The following DCLRE1A variants were observed in gnomAD, a reference collection of about 807,000 sequenced individuals.
DCLRE1A encodes the protein DNA cross-link repair 1A protein.
DCLRE1A carries 64 observed loss-of-function variants against 91.9 expected under a neutral mutation model. The observed-to-expected ratio is 0.70, with a 90% CI of 0.57 to 0.86. The LOEUF (loss-of-function observed/expected upper bound fraction) is 0.86, where lower values mean the gene tolerates loss of function less well. Among genes scored for constraint, DCLRE1A ranks in the 40% least tolerant of loss-of-function variants. The probability of loss-of-function intolerance (pLI) is 0.00; values close to 1 mark genes in which losing one functional copy is unlikely to be tolerated. For missense variants in DCLRE1A, 1,145 were observed against 1,213.3 expected (o/e 0.94, Z 0.84); for synonymous variants, 416 against 431.1 (o/e 0.96, Z 0.43).
rs1467484194 is a variant in DCLRE1A at position 113,853,262 on chromosome 10, T to C, written c.-80A>G. 49 of 1,309,350 alleles carry C rather than the reference T, an allele frequency of 3.7e-5. No homozygotes were observed. The highest frequency in any genetic ancestry group is 9.5e-5 in the South Asian group (6 of 63,126). 81.1% of individuals were successfully genotyped at this position (1,309,350 alleles called of 1,614,324 possible). ...ATTTCTTGTCACAAACAAAAAGTTA[T>C]AGAATTATTTTGCTGAGAAAAAAAA... On this transcript the variant is annotated 5_prime_UTR_variant, in exon 1 of 9. Coordinates refer to ENST00000361384, the MANE Select transcript of DCLRE1A (RefSeq NM_014881.5).
Position 113,853,143 on chromosome 10 carries a change from T to C in DCLRE1A, c.40A>G (p.Lys14Glu). Residue 14 changes from lysine (K) to glutamate (E), a missense_variant, in exon 1 of 9, where the codon AAA becomes GAA. By Grantham distance (56) the Lys-to-Glu change is moderately conservative. Transcript: ENST00000361384. ...ACTCGTTTTGGTTTTCTTTTAGATT[T>C]GTATTCCCAAATGTCTTCTTCGGAA... ...DISEEDIWEY[K>E]SKRKPKRVDP... 6.3e-7 allele frequency: 1 copy of C among 1,589,212 alleles called. No individual in the cohort carries two copies. Among genetic ancestry groups the C allele is most frequent in the Non-Finnish European group, 8.5e-7 (1 of 1,173,160 alleles).
chr10:113,839,149 C>A (rs2134648367), intron 7 of DCLRE1A, among the ~76,000 whole-genome samples: 1 of 151,948 alleles, frequency 6.6e-6, no homozygotes, highest in East Asian at 1.9e-4. Flanking sequence ...CACGGTGAAA[C>A]CCCATCTCTA....
chr10:113,850,561 C>A lies in DCLRE1A; in HGVS notation c.544G>T (p.Ala182Ser). 1 of 1,614,104 alleles carries A rather than the reference C, an allele frequency of 6.2e-7. No homozygotes were observed. The highest frequency in any genetic ancestry group is 1.3e-5 in the African/African-American group (1 of 75,036). Reference sequence around the variant, plus strand: ...GGGCTGCTAAAAGGATGATCACCAGCCCTGCTTTGAGCTAGCAGGAAGTGA... The same window carrying A: ...GGGCTGCTAAAAGGATGATCACCAGACCTGCTTTGAGCTAGCAGGAAGTGA... ...YTHFLLAQSR[A>S]GDHPFSSPSP... Residue 182 changes from alanine to serine, a missense_variant, in exon 2 of 9, where the codon GCT becomes TCT. Ala to Ser is a moderately conservative substitution (Grantham distance 99). Transcript: ENST00000361384.
At position 113,842,440 on chromosome 10, in the gene DCLRE1A, C is replaced by G. The variant is rs1265913095; in HGVS notation, c.2568G>C (p.Arg856=). 6.2e-7 allele frequency: 1 copy of G among 1,613,824 alleles called. No homozygotes were observed. The highest frequency in any genetic ancestry group is 8.5e-7 in the Non-Finnish European group (1 of 1,179,820). The change falls in exon 6 of 9, where the codon CGG becomes CGC. Residue 856 remains arginine, a synonymous_variant. Coordinates refer to ENST00000361384, the MANE Select transcript of DCLRE1A (RefSeq NM_014881.5). The stretch of plus-strand genomic sequence containing the variant: ...CCTCAAAGGCAGTGTTGATGGCAAA[C>G]CGGATAACCTCTTGCTGAGATGGAA... ...YTFPSQQEVI[R]FAINTAFEAV...
chr10:113,848,043 G>C (rs545744567), intron 2 of DCLRE1A, among the ~76,000 whole-genome samples: 2 of 152,360 alleles, frequency 1.3e-5, no homozygotes, highest in African/African-American at 4.8e-5. Flanking sequence ...GCCGGGCTCG[G>C]TGGCTCACGC....
At position 113,850,112 on chromosome 10, in the gene DCLRE1A, A is replaced by G. The variant is rs778397194; in HGVS notation, c.993T>C (p.Asp331=). 29 of 1,613,846 alleles carry G rather than the reference A, an allele frequency of 1.8e-5. No individual in the cohort carries two copies. The Admixed American group carries it at 4.7e-4, about 26-fold the overall frequency. The part of the protein sequence containing the change: ...EQLFFTESSK[D]GSLEEDDDSC... ...TGTCATCATCTTCTTCGAGGCTGCC[A>G]TCTTTTGAGCTTTCGGTAAAAAACA... The change falls in exon 2 of 9, where the codon GAT becomes GAC. Residue 331 remains aspartate, a synonymous_variant. Coordinates refer to ENST00000361384, the MANE Select transcript of DCLRE1A (RefSeq NM_014881.5).
intron 7 of DCLRE1A, among the ~76,000 whole-genome samples, chr10:113,838,774 CAATCAGGTTTA>C (rs1404973519): frequency 6.6e-6 from 1 of 152,164 alleles, no homozygotes; most frequent in East Asian, 1.9e-4. Context: ...CACAATCAAT[CAATCAGGTTTA>C]AATCAGGTGA....
chr10:113,844,595 C>T (rs777662105), intron 4 of DCLRE1A, among the ~76,000 whole-genome samples: 4 of 152,164 alleles, frequency 2.6e-5, no homozygotes, highest in African/African-American at 4.8e-5. Flanking sequence ...ACTAGCTTGA[C>T]GCTAACTTTG....
At chr10:113,840,715 C>T (rs1298159627) in intron 7 of DCLRE1A, among the ~76,000 whole-genome samples, 1 of 152,166 alleles carries the variant, frequency 6.6e-6, no homozygotes, top group East Asian at 1.9e-4. Flanking sequence ...CTTTTTATTT[C>T]ATAAACACAA....
At position 113,847,345 on chromosome 10, in the gene DCLRE1A, A is replaced by G; in HGVS notation, c.2126-10T>C. 1 of 1,613,442 alleles carries G rather than the reference A, an allele frequency of 6.2e-7. No individual in the cohort carries two copies. The highest frequency in any genetic ancestry group is 1.1e-5 in the South Asian group (1 of 91,006). On this transcript the variant is annotated splice_polypyrimidine_tract_variant and intron_variant, in intron 2 of 8. Transcript: ENST00000361384. Reference sequence around the variant, plus strand: ...ACTGTAAAGCCGGTTCCTGCAATAAAAATACCGACACAGTAGGTTGAGCAA... The same window carrying G: ...ACTGTAAAGCCGGTTCCTGCAATAAGAATACCGACACAGTAGGTTGAGCAA...
In DCLRE1A at chr10:113,849,904, C is replaced by T; in HGVS notation, c.1201G>A (p.Ala401Thr). ...AACACAAAATCACCACCAGTACATG[C>T]CAGATCATAAGGCAAAGTACTCTCA... The part of the protein sequence containing the change: ...NNESTLPYDL[A>T]CTGGDFVLFP... The change falls in exon 2 of 9, where the codon GCA becomes ACA. Residue 401 changes from alanine to threonine, a missense_variant. Transcript: ENST00000361384. 2 of 1,613,896 alleles carry T rather than the reference C, an allele frequency of 1.2e-6. No homozygotes were observed. Among genetic ancestry groups the T allele is most frequent in the Non-Finnish European group, 1.7e-6 (2 of 1,179,990 alleles).
intron 7 of DCLRE1A, among the ~76,000 whole-genome samples, chr10:113,840,885 C>A (rs1845435464): frequency 6.6e-6 from 1 of 152,290 alleles, no homozygotes; most frequent in East Asian, 1.9e-4. Flanking sequence ...CAAATCCCAG[C>A]AAGGTCATAT....
chr10:113,842,498 G>A lies in DCLRE1A; in HGVS notation c.2520-10C>T, dbSNP rs1845461926. 6.2e-7 allele frequency: 1 copy of A among 1,609,890 alleles called. No homozygotes were observed. Among genetic ancestry groups the A allele is most frequent in the African/African-American group, 1.3e-5 (1 of 74,822 alleles). On this transcript the variant is annotated splice_polypyrimidine_tract_variant and intron_variant, in intron 5 of 8. Coordinates refer to ENST00000361384, the MANE Select transcript of DCLRE1A (RefSeq NM_014881.5). ...TTCTGGGCTACAATATCTGTGGTAT[G>A]GAAACATGGTACTTACTAAAAGAAC...
At chr10:113,841,608 A>G in intron 6 of DCLRE1A, 48 bp from the exon 7 acceptor site, 1 of 1,537,434 alleles carries the variant, frequency 6.5e-7, no homozygotes, top group Non-Finnish European at 8.7e-7. Flanking sequence ...CAGCTTGTGA[A>G]AAAAAGTTAC....
intron 6 of DCLRE1A, 50 bp downstream of exon 6, chr10:113,842,293 A>C (rs1845456826): frequency 6.9e-7 from 1 of 1,451,106 alleles, no homozygotes; most frequent in Non-Finnish European, 9.3e-7. Flanking sequence ...TGCAAAAAGA[A>C]TCTGATCTTT....
intron 8 of DCLRE1A, among the ~76,000 whole-genome samples, chr10:113,836,373 A>G (rs943822118): frequency 6.6e-6 from 1 of 152,144 alleles, no homozygotes; most frequent in Non-Finnish European, 1.5e-5. Context: ...TCAGGAAAAT[A>G]TGGAAGAAAT....
chr10:113,841,339 A>G, intron 7 of DCLRE1A, 67 bp downstream of exon 7: 2 of 1,552,852 alleles, frequency 1.3e-6, no homozygotes, highest in South Asian at 1.2e-5. Flanking sequence ...TCTAAGTTAA[A>G]TGAAGCTTAA....
At chr10:113,846,519 A>G (rs1200612231) in intron 3 of DCLRE1A, among the ~76,000 whole-genome samples, 3 of 152,118 alleles carry the variant, frequency 2.0e-5, no homozygotes, top group Non-Finnish European at 4.4e-5. Flanking sequence ...TACTACTTCT[A>G]TTATGATACC....
chr10:113,835,433 C>T, intron 8 of DCLRE1A, 121 bp from the exon 9 acceptor site: 1 of 970,096 alleles, frequency 1.0e-6, no homozygotes, highest in Non-Finnish European at 1.5e-6. Context: ...TTGTCAAAAA[C>T]CCCTCAGTGC....
Sources: gnomAD v4.1 joint callset for allele counts (sites outside exome capture counted in the v4.1 genomes callset) on GRCh38, gnomAD v4.1.1 for gene constraint, MANE v1.5 for transcripts, NCBI Gene and HGNC (gene_info 2026-07-23, HGNC 2026-07-21) for gene names.